BBX: variants seen among roughly 807,000 people sequenced by gnomAD.
BBX encodes HMG box transcription factor BBX.
In BBX, 30 loss-of-function variants were observed where a neutral mutation model predicts 100.2. The ratio of observed to expected loss-of-function variants is 0.30; its 90% confidence interval spans 0.22 to 0.41. BBX has a LOEUF of 0.41. Ranked by LOEUF, BBX falls within the 10% of genes least tolerant of loss-of-function variation. The probability of loss-of-function intolerance (pLI) is 1.00; values close to 1 mark genes in which losing one functional copy is unlikely to be tolerated. For synonymous variants in BBX, 376 were observed against 388.1 expected (o/e 0.97, Z 0.37); for missense variants, 1,023 against 1,129.8 (o/e 0.91, Z 1.35).
At chr3:107,551,937 T>C (rs933363547) in intron 2 of BBX, among the ~76,000 whole-genome samples, 1 of 152,206 alleles carries the variant, frequency 6.6e-6, no homozygotes, top group Non-Finnish European at 1.5e-5. Flanking sequence ...ATGTTTACTT[T>C]AGTTGCAGAA....
At chr3:107,787,230 C>T (rs942372762) in intron 13 of BBX, among the ~76,000 whole-genome samples, 6 of 152,090 alleles carry the variant, frequency 3.9e-5, no homozygotes, top group Admixed American at 2.0e-4. Context: ...CTCTTGATGT[C>T]GTGATCTACC....
At chr3:107,536,230 A>C (rs1347320306) in intron 2 of BBX, among the ~76,000 whole-genome samples, 1 of 152,234 alleles carries the variant, frequency 6.6e-6, no homozygotes, top group Non-Finnish European at 1.5e-5. Flanking sequence ...GTAGCCAAAC[A>C]TTTCGAAAAT....
chr3:107,734,954 A>G (rs1045567339), intron 7 of BBX, among the ~76,000 whole-genome samples: 3 of 152,162 alleles, frequency 2.0e-5, no homozygotes, highest in Non-Finnish European at 2.9e-5. Flanking sequence ...GGGAACCATA[A>G]TGGGAGAAGA....
chr3:107,544,189 C>G (rs2049049124), intron 2 of BBX, among the ~76,000 whole-genome samples: 1 of 152,130 alleles, frequency 6.6e-6, no homozygotes, highest in Non-Finnish European at 1.5e-5. Flanking sequence ...AAAATACTAG[C>G]CAGGTAATCT....
rs965991687 is a variant in BBX, at chr3:107,773,881, C to T, written c.1915+245C>T. On this transcript the variant is annotated intron_variant, in intron 11 of 17. Coordinates refer to ENST00000325805, the MANE Select transcript of BBX (RefSeq NM_001142568.3). The surrounding 1 kb of genome is among the most constrained non-coding windows in gnomAD (Gnocchi z 4.1). ...AGGATGTAATTAAAGTAATTTTAAT[C>T]TCTTCTTTCCCCCCACTGGTATGGG... 1.2e-4 allele frequency among the ~76,000 whole-genome samples: 19 copies of T among 152,128 alleles called. No homozygotes were observed. Among genetic ancestry groups the T allele is most frequent in the African/African-American group, 4.3e-4 (18 of 41,424 alleles).
chr3:107,633,655 C>G (rs1040142152), intron 2 of BBX, among the ~76,000 whole-genome samples: 1 of 152,194 alleles, frequency 6.6e-6, no homozygotes, highest in Non-Finnish European at 1.5e-5. Flanking sequence ...CACAAACATC[C>G]AAGAGGAACT....
In BBX at chr3:107,626,633, C is replaced by T. The variant is rs540067058; in HGVS notation, c.-83-19203C>T. 2.7e-5 allele frequency among the ~76,000 whole-genome samples: 4 copies of T among 150,222 alleles called. No individual in the cohort carries two copies. The East Asian group carries it at 8.0e-4, about 30-fold the overall frequency. On this transcript the variant is annotated intron_variant, in intron 2 of 17. Coordinates refer to ENST00000325805, the MANE Select transcript of BBX (RefSeq NM_001142568.3). ...GCAGGAGAGCTTATGAGTTTCCTCACCATGTGGACCTTTCCATAGGATTTT... is the reference window on the plus strand; with the variant it reads ...GCAGGAGAGCTTATGAGTTTCCTCATCATGTGGACCTTTCCATAGGATTTT...
At chr3:107,719,348 AGT>A (rs1369319620) in intron 5 of BBX, among the ~76,000 whole-genome samples, 1 of 152,020 alleles carries the variant, frequency 6.6e-6, no homozygotes, top group Non-Finnish European at 1.5e-5. Context: ...TTATCAGTTG[AGT>A]GAGAAATGTT....
At chr3:107,698,381 G>T (rs940570220) in intron 3 of BBX, among the ~76,000 whole-genome samples, 1 of 151,522 alleles carries the variant, frequency 6.6e-6, no homozygotes, top group Non-Finnish European at 1.5e-5. Context: ...GGCCAGATGC[G>T]GTGGTTCACA....
At chr3:107,784,008 T>C (rs2068164851) in intron 13 of BBX, among the ~76,000 whole-genome samples, 1 of 152,038 alleles carries the variant, frequency 6.6e-6, no homozygotes, top group African/African-American at 2.4e-5. Flanking sequence ...TTTCTTGAGC[T>C]CTTACTTTGT....
intron 3 of BBX, among the ~76,000 whole-genome samples, chr3:107,705,061 CA>C (rs1445199585): frequency 6.6e-6 from 1 of 152,014 alleles, no homozygotes; most frequent in Non-Finnish European, 1.5e-5. Flanking sequence ...TTGAAAGTCC[CA>C]GAACTCTTTA....
chr3:107,773,896 A>G lies in BBX; in HGVS notation c.1915+260A>G, dbSNP rs991426782. Among the ~76,000 whole-genome samples the G allele has an allele frequency of 2.6e-5, 4 of 152,046 alleles. No homozygotes were observed. Among genetic ancestry groups the G allele is most frequent in the African/African-American group, 9.7e-5 (4 of 41,392 alleles). On this transcript the variant is annotated intron_variant, in intron 11 of 17. Transcript: ENST00000325805. The surrounding 1 kb of genome is among the most constrained non-coding windows in gnomAD (Gnocchi z 4.1). ...TAATTTTAATCTCTTCTTTCCCCCC[A>G]CTGGTATGGGCTGGCTGTTTGTTTT...
chr3:107,589,236 TCTA>T (rs1343328834), intron 2 of BBX, among the ~76,000 whole-genome samples: 1 of 152,346 alleles, frequency 6.6e-6, no homozygotes, highest in African/African-American at 2.4e-5. Flanking sequence ...CTTTTGAACA[TCTA>T]CTATTTGACC....
intron 2 of BBX, among the ~76,000 whole-genome samples, chr3:107,547,203 C>G (rs1028349514): frequency 6.6e-6 from 1 of 152,056 alleles, no homozygotes; most frequent in African/African-American, 2.4e-5. Flanking sequence ...CAGCTGTAGT[C>G]GGGATGATGG....
intron 15 of BBX, among the ~76,000 whole-genome samples, chr3:107,792,842 C>A (rs1309047439): frequency 5.3e-5 from 8 of 152,078 alleles, no homozygotes; most frequent in Non-Finnish European, 8.8e-5. Flanking sequence ...AAAATGTTTA[C>A]TCTTTACTTA....
chr3:107,703,626 G>C (rs2061216783), intron 3 of BBX, among the ~76,000 whole-genome samples: 1 of 152,194 alleles, frequency 6.6e-6, no homozygotes, highest in Admixed American at 6.5e-5. Context: ...GTTTCAACTT[G>C]AAGAGCTACT....
intron 2 of BBX, among the ~76,000 whole-genome samples, chr3:107,536,235 G>A (rs939538406): frequency 5.9e-5 from 9 of 152,166 alleles, no homozygotes; most frequent in African/African-American, 1.4e-4. Flanking sequence ...CAAACATTTC[G>A]AAAATACAGC....
chr3:107,654,353 G>A lies in BBX; in HGVS notation c.-10+8444G>A, dbSNP rs950150604. 3.3e-5 allele frequency among the ~76,000 whole-genome samples: 5 copies of A among 152,110 alleles called. No homozygotes were observed. The East Asian group carries it at 7.7e-4, about 23-fold the overall frequency. The stretch of plus-strand genomic sequence containing the variant: ...AACAAAAGATATATCTTTCTAATAA[G>A]GCTATTATATCTTATTGATAGTAGA... On this transcript the variant is annotated intron_variant, in intron 3 of 17. Coordinates refer to ENST00000325805, the MANE Select transcript of BBX (RefSeq NM_001142568.3).
intron 2 of BBX, among the ~76,000 whole-genome samples, chr3:107,642,801 G>GTT (rs67152509): frequency 5.3e-5 from 8 of 150,994 alleles, no homozygotes; most frequent in Non-Finnish European, 1.0e-4. Flanking sequence ...ATGCCCAGCA[G>GTT]TTTTTTTTTC....
Sources: gnomAD v4.1 joint callset for allele counts (sites outside exome capture counted in the v4.1 genomes callset) on GRCh38, gnomAD v4.1.1 for gene constraint, Gnocchi (gnomAD v3.1) non-coding constraint, MANE v1.5 for transcripts, NCBI Gene and HGNC (gene_info 2026-07-23, HGNC 2026-07-21) for gene names.